The following DNM3 variants were observed in gnomAD, a reference collection of about 807,000 sequenced individuals.
The protein encoded by DNM3 is dynamin-3.
DNM3 carries 47 observed loss-of-function variants against 101.6 expected under a neutral mutation model. That is an observed-to-expected ratio of 0.46 (90% CI 0.37 to 0.59). DNM3 has a LOEUF of 0.59. Ranked by LOEUF, DNM3 falls within the 20% of genes least tolerant of loss-of-function variation. The pLI, the probability that DNM3 is intolerant of heterozygous loss-of-function variation, is 0.00. For synonymous variants in DNM3, 385 were observed against 387.9 expected, an observed-to-expected ratio of 0.99 and a Z score of 0.09; for missense variants, 849 against 1,085.7, an observed-to-expected ratio of 0.78 and a Z score of 3.06.
At chr1:172,270,934 A>C (rs1243520722) in intron 15 of DNM3, among the ~76,000 whole-genome samples, 2 of 152,162 alleles carry the variant, frequency 1.3e-5, no homozygotes, top group Non-Finnish European at 2.9e-5. Context: ...TTAAATCCAC[A>C]CCTCACTGAA....
intron 15 of DNM3, among the ~76,000 whole-genome samples, chr1:172,307,240 T>C (rs1251365170): frequency 2.0e-5 from 3 of 152,134 alleles, no homozygotes; most frequent in Non-Finnish European, 4.4e-5. Context: ...CAGATACTTC[T>C]CAAAAGAAAA....
chr1:172,340,586 A>G (rs1269283104), intron 17 of DNM3, among the ~76,000 whole-genome samples: 1 of 152,248 alleles, frequency 6.6e-6, no homozygotes, highest in Non-Finnish European at 1.5e-5. Flanking sequence ...AAAGTGAAGA[A>G]TAAATTAGAA....
At chr1:172,371,805 G>A (rs940193936) in intron 17 of DNM3, among the ~76,000 whole-genome samples, 1 of 147,082 alleles carries the variant, frequency 6.8e-6, no homozygotes, top group Non-Finnish European at 1.5e-5. Flanking sequence ...GAGCATTCAG[G>A]GTATTCTGTC....
chr1:172,020,239 C>A (rs2047739986), intron 4 of DNM3, among the ~76,000 whole-genome samples: 1 of 152,120 alleles, frequency 6.6e-6, no homozygotes, highest in South Asian at 2.1e-4. Flanking sequence ...TTAGTTCCTG[C>A]CCCACCCCTT....
At chr1:171,900,952 A>C (rs2038265527) in intron 1 of DNM3, among the ~76,000 whole-genome samples, 1 of 118,272 alleles carries the variant, frequency 8.5e-6, no homozygotes, top group African/African-American at 3.3e-5. Flanking sequence ...ACTAAAAAAA[A>C]AATAGAAAAA....
intron 10 of DNM3, among the ~76,000 whole-genome samples, chr1:172,058,847 T>G (rs371922242): frequency 6.9e-4 from 103 of 149,818 alleles, no homozygotes; most frequent in East Asian, 3.7e-3. Flanking sequence ...ACTAAAATCA[T>G]AGCAGAACTG....
rs898378167 is a variant in DNM3, at chr1:171,957,832, C to T, written c.236-29824C>T. On this transcript the variant is annotated intron_variant, in intron 2 of 20. Transcript: ENST00000627582. Reference sequence around the variant, plus strand: ...TTTTGGTCAAAGCCATTCAACAAGTCGCTAGGAAGTTCCAAACTTTCCCAC... The same window carrying T: ...TTTTGGTCAAAGCCATTCAACAAGTTGCTAGGAAGTTCCAAACTTTCCCAC... 3.3e-5 allele frequency among the ~76,000 whole-genome samples: 5 copies of T among 152,174 alleles called. No homozygotes were observed. The East Asian group carries it at 5.8e-4, about 18-fold the overall frequency.
intron 14 of DNM3, among the ~76,000 whole-genome samples, chr1:172,163,043 C>T (rs1348617686): frequency 6.6e-6 from 1 of 151,936 alleles, no homozygotes; most frequent in African/African-American, 2.4e-5. Context: ...GTATACTTGA[C>T]AAATAAAAAT....
chr1:172,328,980 G>C (rs1398217319), intron 17 of DNM3, among the ~76,000 whole-genome samples: 2 of 152,018 alleles, frequency 1.3e-5, no homozygotes, highest in African/African-American at 4.8e-5. Flanking sequence ...ATGCCTGGCT[G>C]ATTTTAAAAG....
chr1:172,138,279 C>T (rs1392694452), intron 14 of DNM3: 1 of 137,120 alleles, frequency 7.3e-6, no homozygotes, highest in Non-Finnish European at 1.5e-5. Context: ...AGAGTTAACT[C>T]AAAGCACTTG....
chr1:172,029,614 T>A (rs2048458460), intron 4 of DNM3, among the ~76,000 whole-genome samples: 1 of 152,176 alleles, frequency 6.6e-6, no homozygotes, highest in African/African-American at 2.4e-5. Context: ...GGAAGTGAAA[T>A]TATCCCTGTT....
At chr1:172,233,965 T>C (rs1384721963) in intron 14 of DNM3, among the ~76,000 whole-genome samples, 1 of 151,948 alleles carries the variant, frequency 6.6e-6, no homozygotes, top group African/African-American at 2.4e-5. Flanking sequence ...GAAGCATTCC[T>C]TTTGAAAACT....
intron 15 of DNM3, chr1:172,290,091 T>A: frequency 1.3e-6 from 1 of 759,448 alleles, no homozygotes; most frequent in Non-Finnish European, 1.6e-6. Flanking sequence ...AAAATACTGG[T>A]GAGACTAGTC....
intron 2 of DNM3, among the ~76,000 whole-genome samples, chr1:171,976,732 G>T (rs2044401466): frequency 6.6e-6 from 1 of 152,138 alleles, no homozygotes; most frequent in Admixed American, 6.6e-5. Flanking sequence ...CATACTCATA[G>T]AAAAAGTTTT....
chr1:172,036,285 T>G (rs550212674), intron 6 of DNM3, among the ~76,000 whole-genome samples: 39 of 151,184 alleles, frequency 2.6e-4, no homozygotes, highest in Non-Finnish European at 5.3e-4. Context: ...GATAGTTTAC[T>G]GAGAATGATG....
chr1:172,021,075 T>A (rs945789692), intron 4 of DNM3, among the ~76,000 whole-genome samples: 3 of 152,182 alleles, frequency 2.0e-5, no homozygotes, highest in Non-Finnish European at 2.9e-5. Context: ...CTAAGAAGGG[T>A]TGGTTTTTCA....
At chr1:172,336,081 G>A (rs2066413974) in intron 17 of DNM3, among the ~76,000 whole-genome samples, 3 of 152,126 alleles carry the variant, frequency 2.0e-5, no homozygotes, top group African/African-American at 2.4e-5. Context: ...CGGGTTGGGG[G>A]TGCTACTATC....
chr1:172,171,493 G>A (rs933053696), intron 14 of DNM3, among the ~76,000 whole-genome samples: 3 of 151,674 alleles, frequency 2.0e-5, no homozygotes, highest in East Asian at 1.9e-4. Context: ...AGGTATGACT[G>A]CACCTACCTA....
chr1:172,386,292 T>C (rs1382273011), intron 18 of DNM3, among the ~76,000 whole-genome samples: 2 of 151,032 alleles, frequency 1.3e-5, no homozygotes, highest in African/African-American at 5.0e-5. Context: ...CATATGATAG[T>C]AGTGTTTCTT....
Sources: allele counts gnomAD v4.1 joint callset (sites outside exome capture counted in the v4.1 genomes callset), GRCh38; gene constraint gnomAD v4.1.1; transcripts MANE v1.5; gene names NCBI Gene and HGNC (gene_info 2026-07-23, HGNC 2026-07-21).